COL4A1: variants seen among roughly 807,000 people sequenced by gnomAD.
The protein encoded by COL4A1 is collagen type IV alpha 1 chain, also known as collagen alpha-1(IV) chain.
Under a neutral mutation model 216.6 loss-of-function variants are expected in COL4A1, and 40 were observed. The ratio of observed to expected loss-of-function variants is 0.18; its 90% CI spans 0.14 to 0.24. COL4A1 has a LOEUF of 0.24. Ranked by LOEUF, COL4A1 falls within the 10% of genes least tolerant of loss-of-function variation. The pLI, the probability that COL4A1 is intolerant of heterozygous loss-of-function variation, is 1.00. For synonymous variants in COL4A1, 839 were observed against 810.7 expected (o/e 1.03, Z -0.59); for missense variants, 1,628 against 2,196.8 (o/e 0.74, Z 5.18).
intron 18 of COL4A1, 117 bp from the exon 19 acceptor site, chr13:110,201,639 G>A (rs1425405284): frequency 1.1e-6 from 1 of 943,562 alleles, no homozygotes; most frequent in Non-Finnish European, 1.7e-6. Flanking sequence ...AAATATGAAA[G>A]TGAAGTAGCA....
chr13:110,199,486 C>T (rs114636701), intron 20 of COL4A1, among the ~76,000 whole-genome samples: 53 of 152,308 alleles, frequency 3.5e-4, no homozygotes, highest in East Asian at 7.7e-4. Context: ...CCCCGAGGGG[C>T]GGCCCCTGTG....
intron 1 of COL4A1, among the ~76,000 whole-genome samples, chr13:110,286,592 G>T (rs1364721306): frequency 6.6e-6 from 1 of 152,218 alleles, no homozygotes; most frequent in Non-Finnish European, 1.5e-5. Flanking sequence ...CGCCTATAGG[G>T]ACAGAGAAAT....
intron 1 of COL4A1, among the ~76,000 whole-genome samples, chr13:110,248,274 G>A (rs966366821): frequency 7.9e-5 from 12 of 152,212 alleles, no homozygotes; most frequent in Non-Finnish European, 7.3e-5. Context: ...AGAATTAAGA[G>A]TACGCAGCAA....
chr13:110,288,490 G>A (rs946245196), intron 1 of COL4A1, among the ~76,000 whole-genome samples: 1 of 151,882 alleles, frequency 6.6e-6, no homozygotes, highest in Non-Finnish European at 1.5e-5. Flanking sequence ...CTAACCACAG[G>A]GTAGAGCAAC....
chr13:110,190,658 T>C (rs1350411438), intron 24 of COL4A1: 2 of 152,204 alleles, frequency 1.3e-5, no homozygotes, highest in African/African-American at 2.4e-5. Flanking sequence ...AAATTCAAAA[T>C]AAGAGAACCA....
intron 24 of COL4A1, chr13:110,191,583 T>A: frequency 1.5e-6 from 1 of 648,574 alleles, no homozygotes; most frequent in Non-Finnish European, 2.7e-6. Flanking sequence ...AAGCTGGTAT[T>A]TTGTTCCATT....
intron 2 of COL4A1, among the ~76,000 whole-genome samples, chr13:110,224,328 T>A (rs1286372991): frequency 6.6e-6 from 1 of 151,926 alleles, no homozygotes; most frequent in South Asian, 2.1e-4. Flanking sequence ...AAGAAAAAAA[T>A]ATATATGTTT....
rs748465472 is a variant in COL4A1, at chr13:110,176,853, G to C, written c.2869+32C>G. The C allele has an allele frequency of 5.0e-6, 8 of 1,613,952 alleles. No individual in the cohort carries two copies. In the African/African-American group the frequency reaches 1.1e-4, roughly 22 times the overall value. On this transcript the variant is annotated intron_variant, in intron 34 of 51. Coordinates refer to ENST00000375820, the MANE Select transcript of COL4A1 (RefSeq NM_001845.6). ...CCCAGGAAAGGCACATTGTGGTTCC[G>C]AGCTTGGCCATGAGAAGCCTCCTGG...
intron 1 of COL4A1, among the ~76,000 whole-genome samples, chr13:110,257,164 A>G (rs1882614771): frequency 6.6e-6 from 1 of 152,252 alleles, no homozygotes; most frequent in African/African-American, 2.4e-5. Context: ...TCTAAGGATA[A>G]TATTATCTGA....
chr13:110,303,147 G>A (rs1382146636), intron 1 of COL4A1, among the ~76,000 whole-genome samples: 1 of 151,968 alleles, frequency 6.6e-6, no homozygotes, highest in Non-Finnish European at 1.5e-5. Flanking sequence ...TCAGAAATTT[G>A]CCAACAGCCT....
intron 49 of COL4A1, among the ~76,000 whole-genome samples, chr13:110,157,992 A>G (rs1279871078): frequency 1.3e-5 from 2 of 152,232 alleles, no homozygotes; most frequent in Non-Finnish European, 2.9e-5. Context: ...CAGGAAACCT[A>G]TCAATGAATA....
rs1882986524 is a variant in COL4A1 at position 110,265,313 on chromosome 13, T to C, written c.85-22579A>G. On this transcript the variant is annotated intron_variant, in intron 1 of 51. Coordinates refer to ENST00000375820, the MANE Select transcript of COL4A1 (RefSeq NM_001845.6). ...CCTAATTCTACGAAGGCAATTTGAG[T>C]ACATCACAAAGCCAGAAAAGGTGTG... The C allele has an allele frequency of 3.3e-5, 5 of 152,244 alleles. No individual in the cohort carries two copies. The South Asian group carries it at 8.3e-4, about 25-fold the overall frequency. 9.4% of individuals were successfully genotyped at this position (152,244 alleles called of 1,614,324 possible). A position where few individuals can be genotyped will look rare whatever the true frequency, so the allele number is the denominator to read the frequency against.
intron 1 of COL4A1, among the ~76,000 whole-genome samples, chr13:110,248,105 C>G (rs74126132): frequency 6.6e-6 from 1 of 152,168 alleles, no homozygotes; most frequent in Admixed American, 6.5e-5. Context: ...TTCTCGCATT[C>G]CCTATGCTGT....
chr13:110,231,083 CAGAAA>C (rs1160722660), intron 2 of COL4A1, among the ~76,000 whole-genome samples: 1 of 152,228 alleles, frequency 6.6e-6, no homozygotes, highest in Non-Finnish European at 1.5e-5. Context: ...AGCCCTGACT[CAGAAA>C]AACACACAGC....
At position 110,221,942 on chromosome 13, in the gene COL4A1, A is replaced by G. The variant is rs977997743; in HGVS notation, c.145-7927T>C. On this transcript the variant is annotated intron_variant, in intron 2 of 51. Coordinates refer to ENST00000375820, the MANE Select transcript of COL4A1 (RefSeq NM_001845.6). Reference sequence around the variant, plus strand: ...CAGCGCGTCTGTCATCAACAGCTTAATTCCGTTTTCGCATCAAACCACACC... The same window carrying G: ...CAGCGCGTCTGTCATCAACAGCTTAGTTCCGTTTTCGCATCAAACCACACC... Among the ~76,000 whole-genome samples, 4 of 152,322 alleles carry G rather than the reference A, an allele frequency of 2.6e-5. No individual in the cohort carries two copies. In the South Asian group the frequency reaches 6.2e-4, roughly 24 times the overall value.
At chr13:110,240,844 C>G (rs906289306) in intron 2 of COL4A1, among the ~76,000 whole-genome samples, 2 of 152,006 alleles carry the variant, frequency 1.3e-5, no homozygotes, top group Non-Finnish European at 2.9e-5. Context: ...AAATAAATTA[C>G]GTTAAAAAAG....
At chr13:110,173,761 T>G (rs1877749692) in intron 40 of COL4A1, 139 bp downstream of exon 40, 1 of 931,880 alleles carries the variant, frequency 1.1e-6, no homozygotes, top group Non-Finnish European at 1.7e-6. Context: ...CACATCCACA[T>G]CAGTGTTTAA....
At chr13:110,165,704 AG>A (rs1272050328) in intron 45 of COL4A1, among the ~76,000 whole-genome samples, 1 of 152,152 alleles carries the variant, frequency 6.6e-6, no homozygotes, top group African/African-American at 2.4e-5. Context: ...ATGCCCTAGA[AG>A]TATGGTCTGC....
At position 110,212,251 on chromosome 13, in the gene COL4A1, A is replaced by C. The variant is rs150466430; in HGVS notation, c.387+166T>G. Among the ~76,000 whole-genome samples the C allele has an allele frequency of 2.0e-5, 3 of 152,354 alleles. No homozygotes were observed. In the East Asian group the frequency reaches 5.8e-4, roughly 29 times the overall value. On this transcript the variant is annotated intron_variant, in intron 6 of 51. Coordinates refer to ENST00000375820, the MANE Select transcript of COL4A1 (RefSeq NM_001845.6). ...CAATTATATCTTTCTGGTACACTAAATATGGGAAAACTGTATTTCCTTACT... is the reference window on the plus strand; with the variant it reads ...CAATTATATCTTTCTGGTACACTAACTATGGGAAAACTGTATTTCCTTACT...
Sources: gnomAD v4.1 joint callset for allele counts (sites outside exome capture counted in the v4.1 genomes callset) on GRCh38, gnomAD v4.1.1 for gene constraint, MANE v1.5 for transcripts, NCBI Gene and HGNC (gene_info 2026-07-23, HGNC 2026-07-21) for gene names.